PDE10A: variants seen among roughly 807,000 people sequenced by gnomAD.
PDE10A encodes phosphodiesterase 10A.
Under a neutral mutation model 97.7 loss-of-function variants are expected in PDE10A, and 39 were observed. The observed-to-expected ratio is 0.40, with a 90% CI of 0.31 to 0.52. The LOEUF (loss-of-function observed/expected upper bound fraction) is 0.52. PDE10A is among the 20% of genes least tolerant of loss of function. The probability of loss-of-function intolerance (pLI) is 0.56; values close to 1 mark genes in which losing one functional copy is unlikely to be tolerated. For missense variants in PDE10A, 731 were observed against 1,047.8 expected (o/e 0.70, Z 4.17); for synonymous variants, 371 against 376.8 (o/e 0.98, Z 0.18).
At chr6:165,356,538 T>C (rs971486319) in intron 18 of PDE10A, among the ~76,000 whole-genome samples, 3 of 152,196 alleles carry the variant, frequency 2.0e-5, no homozygotes, top group African/African-American at 7.2e-5. Context: ...TCTTGTTTTT[T>C]AGCATGATGA....
chr6:165,705,041 C>T (rs1791673148), intron 1 of PDE10A, among the ~76,000 whole-genome samples: 1 of 152,226 alleles, frequency 6.6e-6, no homozygotes, highest in African/African-American at 2.4e-5. Context: ...AAAGCACGAG[C>T]CCTGTTCCCA....
chr6:165,395,339 T>G (rs1786080483), intron 14 of PDE10A, 75 bp from the exon 15 acceptor site: 1 of 1,042,342 alleles, frequency 9.6e-7, no homozygotes, highest in Admixed American at 1.9e-5. Context: ...AGCATTTAAC[T>G]TGTTTGTACC....
At chr6:165,856,303 C>T (rs1034816084) in intron 1 of PDE10A, among the ~76,000 whole-genome samples, 2 of 152,188 alleles carry the variant, frequency 1.3e-5, no homozygotes, top group Non-Finnish European at 2.9e-5. Context: ...ATGCCTTCAT[C>T]ACAGGGCCGC....
intron 5 of PDE10A, among the ~76,000 whole-genome samples, chr6:165,445,215 T>A (rs560389540): frequency 2.7e-4 from 41 of 152,240 alleles, no homozygotes; most frequent in Non-Finnish European, 5.3e-4. Flanking sequence ...TACAGCAGAT[T>A]AGATCATTTG....
At chr6:165,698,823 A>G (rs550306014) in intron 1 of PDE10A, among the ~76,000 whole-genome samples, 1 of 152,228 alleles carries the variant, frequency 6.6e-6, no homozygotes, top group Non-Finnish European at 1.5e-5. Flanking sequence ...CAGGGGTGAC[A>G]GAGTGAGACT....
At chr6:165,531,423 C>A (rs1053562445) in intron 2 of PDE10A, among the ~76,000 whole-genome samples, 12 of 151,796 alleles carry the variant, frequency 7.9e-5, no homozygotes, top group Non-Finnish European at 1.8e-4. Context: ...CAGCCATCAG[C>A]TTCTTATGTG....
chr6:165,648,993 G>A (rs189354794), intron 1 of PDE10A, among the ~76,000 whole-genome samples: 1 of 152,224 alleles, frequency 6.6e-6, no homozygotes, highest in Admixed American at 6.5e-5. Context: ...GAGAGCAATC[G>A]CCACCAGGGT....
At chr6:165,912,422 G>A (rs1007044572) in intron 1 of PDE10A, among the ~76,000 whole-genome samples, 3 of 152,158 alleles carry the variant, frequency 2.0e-5, no homozygotes, top group Non-Finnish European at 2.9e-5. Flanking sequence ...TGATGGGAGC[G>A]TTCTCAGCTG....
At chr6:165,839,944 T>TC (rs1456972396) in intron 1 of PDE10A, among the ~76,000 whole-genome samples, 3 of 150,476 alleles carry the variant, frequency 2.0e-5, no homozygotes, top group African/African-American at 4.9e-5. Flanking sequence ...CTTATCTTCA[T>TC]TTCCATCCCC....
intron 1 of PDE10A, among the ~76,000 whole-genome samples, chr6:165,610,470 G>A (rs1245954178): frequency 6.6e-6 from 1 of 150,770 alleles, no homozygotes; most frequent in Admixed American, 6.6e-5. Context: ...GGCGGAGCTT[G>A]CCGTGAGCTG....
chr6:165,699,830 C>T (rs1322929333), intron 1 of PDE10A, among the ~76,000 whole-genome samples: 1 of 152,098 alleles, frequency 6.6e-6, no homozygotes, highest in Non-Finnish European at 1.5e-5. Flanking sequence ...GCAGCTAAAA[C>T]AGTGCTTAAA....
At chr6:165,423,288 G>A (rs1788855325) in intron 10 of PDE10A, among the ~76,000 whole-genome samples, 1 of 152,148 alleles carries the variant, frequency 6.6e-6, no homozygotes, top group African/African-American at 2.4e-5. Context: ...AGTAGTTGAT[G>A]TTTTCAGATC....
At chr6:165,335,602 G>C (rs184216377) in intron 21 of PDE10A, among the ~76,000 whole-genome samples, 1 of 151,996 alleles carries the variant, frequency 6.6e-6, no homozygotes, top group African/African-American at 2.4e-5. Flanking sequence ...CCTGGCCAAG[G>C]GCTTCTATCC....
chr6:165,356,844 T>C (rs1783058109), intron 18 of PDE10A, among the ~76,000 whole-genome samples: 1 of 152,194 alleles, frequency 6.6e-6, no homozygotes. Flanking sequence ...TTTCAGTAGA[T>C]GGCATGTAAT....
Position 165,817,816 on chromosome 6 carries a change from G to A in PDE10A, c.-615+169713C>T, listed in dbSNP as rs1276100929. On this transcript the variant is annotated intron_variant, in intron 1 of 19. Coordinates refer to the PDE10A transcript ENST00000366882. ...CCTGTAAAACAACATAAGCACTGCT[G>A]TTTATCTCACAGGGATTTGGTGGCA... Among the ~76,000 whole-genome samples, 8 of 152,306 alleles carry A rather than the reference G, an allele frequency of 5.3e-5. 1 individual carries two copies. In the Middle Eastern group the frequency reaches 0.01, roughly 194 times the overall value.
At chr6:165,806,657 CCAGGCTCTT>C (rs1562746318) in intron 1 of PDE10A, among the ~76,000 whole-genome samples, 1 of 150,882 alleles carries the variant, frequency 6.6e-6, no homozygotes, top group South Asian at 2.1e-4. Context: ...GCGCCCCCCC[CCAGGCTCTT>C]CTTTAGACTT....
intron 13 of PDE10A, among the ~76,000 whole-genome samples, chr6:165,412,865 G>T (rs1189794987): frequency 6.6e-6 from 1 of 151,988 alleles, no homozygotes; most frequent in Non-Finnish European, 1.5e-5. Context: ...TATTATTAAA[G>T]GATTACTAGA....
At chr6:165,582,504 T>C (rs1167050135) in intron 1 of PDE10A, among the ~76,000 whole-genome samples, 1 of 151,740 alleles carries the variant, frequency 6.6e-6, no homozygotes, top group Non-Finnish European at 1.5e-5. Context: ...CTAAATAAAA[T>C]AAATCTACCT....
intron 1 of PDE10A, among the ~76,000 whole-genome samples, chr6:165,867,871 G>A (rs899390653): frequency 6.6e-6 from 1 of 151,920 alleles, no homozygotes; most frequent in East Asian, 1.9e-4. Flanking sequence ...AACAGCAAGA[G>A]AAACATTGGA....
Sources: gnomAD v4.1 joint callset for allele counts (sites outside exome capture counted in the v4.1 genomes callset) on GRCh38, gnomAD v4.1.1 for gene constraint, MANE v1.5 for transcripts, NCBI Gene and HGNC (gene_info 2026-07-23, HGNC 2026-07-21) for gene names.